The following DLG3 variants were observed in gnomAD, a reference collection of about 807,000 sequenced individuals.
DLG3 encodes discs large MAGUK scaffold protein 3.
Under a neutral mutation model 64.1 loss-of-function variants are expected in DLG3, and 1 was observed. The observed-to-expected ratio is 0.02, with a 90% CI of 0.01 to 0.07. The LOEUF is 0.07. Ranked by LOEUF, DLG3 falls within the 10% of genes least tolerant of loss-of-function variation. The pLI, the probability that DLG3 is intolerant of heterozygous loss-of-function variation, is 1.00. For synonymous variants in DLG3, 245 were observed against 259.8 expected, an observed-to-expected ratio of 0.94 and a Z score of 0.55; for missense variants, 429 against 669.5, an observed-to-expected ratio of 0.64 and a Z score of 3.96.
intron 10 of DLG3, among the ~76,000 whole-genome samples, chrX:70,488,256 C>T (rs1052207590): frequency 2.5e-4 from 28 of 111,581 alleles, no homozygotes; most frequent in Admixed American, 2.1e-3. Context: ...GTGATCCGCC[C>T]GCCTCAGTCT....
rs2087497320 is a variant in DLG3 at position 70,498,551 on chromosome X, G to A, written c.1851G>A (p.Glu617=). 1 of 1,207,409 alleles carries A rather than the reference G, an allele frequency of 8.3e-7. No homozygotes were observed. Among genetic ancestry groups the A allele is most frequent in the African/African-American group, 1.7e-5 (1 of 57,190 alleles). Residue 617 remains glutamate (E), a synonymous_variant, in exon 14 of 19, where the codon GAG becomes GAA. Transcript: ENST00000374360. ...AAGAGGATGCTATTTTGTCATATGA[G>A]CCAGTGACACGGCAAGAAAGTAAGC... The part of the protein sequence containing the change: ...KGQEDAILSY[E]PVTRQEIHYA...
At chrX:70,455,597 A>G (rs967300382) in intron 9 of DLG3, 5 of 108,228 alleles carry the variant, frequency 4.6e-5, no homozygotes, top group African/African-American at 1.4e-4. Context: ...GCCCCCAAGC[A>G]GCTCCCTAAT....
chrX:70,498,427 A>T, intron 13 of DLG3, 93 bp from the exon 14 acceptor site: 1 of 912,498 alleles, frequency 1.1e-6, no homozygotes, highest in Non-Finnish European at 1.6e-6. Context: ...ACCACCTGAT[A>T]AGGCTGTGTC....
At chrX:70,479,031 G>A in intron 9 of DLG3, 119 bp from the exon 10 acceptor site, 1 of 599,039 alleles carries the variant, frequency 1.7e-6, no homozygotes, top group South Asian at 2.4e-5. Flanking sequence ...GACTGAGTGG[G>A]CTGGCTCTGG....
chrX:70,448,007 G>A (rs1022810091), intron 1 of DLG3, among the ~76,000 whole-genome samples: 20 of 111,899 alleles, frequency 1.8e-4, no homozygotes, highest in East Asian at 5.7e-4. Flanking sequence ...AGTCCCACCC[G>A]TGGCTTTGTC....
chrX:70,497,176 G>C (rs753454091), intron 13 of DLG3: 2 of 1,210,485 alleles, frequency 1.7e-6, no homozygotes, highest in Non-Finnish European at 2.2e-6. Context: ...TTGTTGGCTT[G>C]CAGAGGGAGT....
At chrX:70,480,768 G>A (rs1006126915) in intron 10 of DLG3, among the ~76,000 whole-genome samples, 5 of 112,232 alleles carry the variant, frequency 4.5e-5, no homozygotes, top group Non-Finnish European at 9.4e-5. Context: ...TGCGTGGGAA[G>A]CTGCTCTTTA....
At chrX:70,457,915 G>T (rs2086742391) in intron 9 of DLG3, among the ~76,000 whole-genome samples, 1 of 108,783 alleles carries the variant, frequency 9.2e-6, no homozygotes, top group African/African-American at 3.4e-5. Context: ...AGGCTCTGTT[G>T]CCCAGGCTGG....
In DLG3 at chrX:70,494,942, C is replaced by T. The variant is rs182697026; in HGVS notation, c.1774-466C>T. On this transcript the variant is annotated intron_variant, in intron 12 of 18. Coordinates refer to ENST00000374360, the MANE Select transcript of DLG3 (RefSeq NM_021120.4). ...ATTCTATCTGCCTACCTGGCACACG[C>T]GGACATTTGCTCTTTCACGCACTGC... Among the ~76,000 whole-genome samples the T allele has an allele frequency of 2.8e-3, 319 of 112,476 alleles. 3 individuals carry two copies. Among genetic ancestry groups the T allele is most frequent in the African/African-American group, 9.5e-3 (295 of 30,956 alleles).
intron 9 of DLG3, among the ~76,000 whole-genome samples, chrX:70,472,381 C>T (rs191020118): frequency 1.8e-5 from 2 of 110,117 alleles, no homozygotes; most frequent in Admixed American, 9.7e-5. Context: ...GGTGAAACCC[C>T]GTCTCTACTA....
chrX:70,460,021 AC>A (rs1449575434), intron 9 of DLG3, among the ~76,000 whole-genome samples: 2 of 111,241 alleles, frequency 1.8e-5, no homozygotes, highest in Non-Finnish European at 3.8e-5. Flanking sequence ...GCGGTGGCTC[AC>A]ACCTGTAATC....
At chrX:70,450,029 G>A in intron 4 of DLG3, 140 bp from the exon 5 acceptor site, 1 of 986,173 alleles carries the variant, frequency 1.0e-6, no homozygotes. Context: ...TCTCAGGATG[G>A]CAGCTTAGCG....
intron 9 of DLG3, among the ~76,000 whole-genome samples, chrX:70,459,199 C>A (rs1190276713): frequency 1.8e-5 from 2 of 111,876 alleles, no homozygotes; most frequent in African/African-American, 6.5e-5. Flanking sequence ...TCCTTTATGA[C>A]CAGTCTTTTC....
chrX:70,493,407 G>A (rs374649256), intron 12 of DLG3: 18 of 1,205,841 alleles, frequency 1.5e-5, no homozygotes, highest in African/African-American at 3.5e-5. Flanking sequence ...AAGAGTTTCC[G>A]CCTCTCTCGA....
intron 10 of DLG3, among the ~76,000 whole-genome samples, chrX:70,481,422 G>A (rs2087152847): frequency 8.9e-6 from 1 of 111,974 alleles, no homozygotes; most frequent in East Asian, 2.8e-4. Context: ...TAGTAAGTTG[G>A]GCAAATGCAG....
chrX:70,476,761 G>C (rs2087060571), intron 9 of DLG3, among the ~76,000 whole-genome samples: 1 of 112,268 alleles, frequency 8.9e-6, no homozygotes, highest in East Asian at 2.8e-4. Context: ...ATTAGTTTAA[G>C]AATAGAAGTG....
chrX:70,466,886 T>G (rs1345615074), intron 9 of DLG3, among the ~76,000 whole-genome samples: 1 of 111,630 alleles, frequency 9.0e-6, no homozygotes, highest in Non-Finnish European at 1.9e-5. Context: ...CCGAGTTTTA[T>G]TCTAGTTATT....
At chrX:70,486,315 T>G (rs2087253292) in intron 10 of DLG3, among the ~76,000 whole-genome samples, 1 of 112,407 alleles carries the variant, frequency 8.9e-6, no homozygotes, top group Non-Finnish European at 1.9e-5. Flanking sequence ...CAGATCATCT[T>G]TCTTGTACAT....
chrX:70,469,774 A>G (rs1024491541), intron 9 of DLG3, among the ~76,000 whole-genome samples: 3 of 111,790 alleles, frequency 2.7e-5, no homozygotes, highest in East Asian at 5.6e-4. Flanking sequence ...AATATGAACC[A>G]TAGTGTGAAG....
Sources: allele counts gnomAD v4.1 joint callset (sites outside exome capture counted in the v4.1 genomes callset), GRCh38; gene constraint gnomAD v4.1.1; transcripts MANE v1.5; gene names NCBI Gene and HGNC (gene_info 2026-07-23, HGNC 2026-07-21).